The following TGM7 variants were observed in gnomAD, a reference collection of about 807,000 sequenced individuals.
TGM7 encodes the protein protein-glutamine gamma-glutamyltransferase Z.
TGM7 carries 74 observed loss-of-function variants against 79.5 expected under a neutral mutation model. The ratio of observed to expected loss-of-function variants is 0.93; its 90% CI spans 0.77 to 1.13. The LOEUF is 1.13. TGM7 is among the 50% of genes most tolerant of loss of function. The probability of loss-of-function intolerance (pLI) is 0.00; values close to 1 mark genes in which losing one functional copy is unlikely to be tolerated. For missense variants in TGM7, 912 were observed against 905.9 expected, an observed-to-expected ratio of 1.01 and a Z score of -0.09; for synonymous variants, 354 against 362.5, an observed-to-expected ratio of 0.98 and a Z score of 0.27.
chr15:43,291,378 T>C (rs117663498), intron 4 of TGM7, among the ~76,000 whole-genome samples: 1 of 152,242 alleles, frequency 6.6e-6, no homozygotes, highest in Non-Finnish European at 1.5e-5. Flanking sequence ...TTGATTTGCA[T>C]GTGTTGAAGC....
chr15:43,298,979 C>G (rs1012142195), intron 1 of TGM7, among the ~76,000 whole-genome samples: 9 of 150,346 alleles, frequency 6.0e-5, no homozygotes, highest in African/African-American at 2.2e-4. Flanking sequence ...ACAAAGAGGG[C>G]ACCAATAGCA....
intron 11 of TGM7, among the ~76,000 whole-genome samples, chr15:43,277,705 C>T (rs754068626): frequency 1.4e-4 from 22 of 152,258 alleles, no homozygotes; most frequent in Non-Finnish European, 2.4e-4. Flanking sequence ...AGAACAGTGC[C>T]GGCCAGATGA....
chr15:43,295,611 A>G (rs1189989388), intron 1 of TGM7, among the ~76,000 whole-genome samples: 1 of 152,228 alleles, frequency 6.6e-6, no homozygotes, highest in Admixed American at 6.5e-5. Flanking sequence ...ACTAGAAAAA[A>G]AACTCTTTGG....
chr15:43,293,729 G>T (rs1287158481), intron 1 of TGM7, 98 bp from the exon 2 acceptor site: 1 of 526,620 alleles, frequency 1.9e-6, no homozygotes, highest in Non-Finnish European at 2.5e-6. Context: ...TGCGGCGGGT[G>T]GTGGGGCGTG....
intron 1 of TGM7, among the ~76,000 whole-genome samples, chr15:43,295,439 A>C (rs536208849): frequency 6.6e-6 from 1 of 152,268 alleles, no homozygotes; most frequent in South Asian, 2.1e-4. Context: ...AAAATACAAA[A>C]ATTAGCCAGG....
chr15:43,285,567 C>G (rs1293862883), intron 6 of TGM7, among the ~76,000 whole-genome samples: 1 of 152,138 alleles, frequency 6.6e-6, no homozygotes, highest in Non-Finnish European at 1.5e-5. Flanking sequence ...TCCTCCCACC[C>G]TAGCTCTGAA....
At chr15:43,294,297 G>C (rs1189974720) in intron 1 of TGM7, among the ~76,000 whole-genome samples, 1 of 152,174 alleles carries the variant, frequency 6.6e-6, no homozygotes, top group Non-Finnish European at 1.5e-5. Context: ...GGCACTGCCT[G>C]CTTCCTGTGT....
Position 43,293,618 on chromosome 15 carries a change from C to G in TGM7, c.24G>C (p.Arg8=), listed in dbSNP as rs181989376. ...AGCTCTGCAGGTCGACAGACTCAAG[C>G]CGCAAGGTTGCCACTAGGGGAGAGG... MDQVATL[R]LESVDLQSSR... Residue 8 remains arginine, a synonymous_variant, in exon 2 of 13, where the codon CGG becomes CGC. Transcript: ENST00000452443. 1 of 1,606,110 alleles carries G rather than the reference C, an allele frequency of 6.2e-7. No homozygotes were observed. Among genetic ancestry groups the G allele is most frequent in the African/African-American group, 1.4e-5 (1 of 73,988 alleles).
chr15:43,300,718 G>A (rs1348794763), intron 1 of TGM7, among the ~76,000 whole-genome samples: 1 of 152,262 alleles, frequency 6.6e-6, no homozygotes, highest in Non-Finnish European at 1.5e-5. Flanking sequence ...GGAGAATGGC[G>A]TGAACCCTGG....
intron 11 of TGM7, among the ~76,000 whole-genome samples, chr15:43,277,202 G>A (rs1432996008): frequency 6.6e-6 from 1 of 152,144 alleles, no homozygotes; most frequent in Admixed American, 6.5e-5. Context: ...ACTCCAAGGA[G>A]CCACCACCAA....
At chr15:43,298,493 A>T (rs769778063) in intron 1 of TGM7, among the ~76,000 whole-genome samples, 2 of 152,224 alleles carry the variant, frequency 1.3e-5, no homozygotes, top group Non-Finnish European at 2.9e-5. Flanking sequence ...GCGGTGGCTC[A>T]CGCCTGTAAT....
At chr15:43,282,771 C>T in intron 7 of TGM7, 151 bp from the exon 8 acceptor site, 1 of 682,728 alleles carries the variant, frequency 1.5e-6, no homozygotes, top group South Asian at 1.8e-5. Context: ...ATAGTACAGG[C>T]TGGGCGCGGT....
intron 6 of TGM7, 66 bp downstream of exon 6, chr15:43,287,214 G>A (rs990556753): frequency 6.4e-5 from 98 of 1,533,406 alleles, no homozygotes; most frequent in Non-Finnish European, 8.2e-5. Flanking sequence ...GAACCTTTAT[G>A]AGCCACAGTT....
In TGM7 at chr15:43,302,153, C is replaced by G. The variant is rs147427165; in HGVS notation, c.10+88G>C. ...CAATCATCAATCCAGGCTCTCCTGT[C>G]GCTTCCCTACATCCTCTACCCTCTC... On this transcript the variant is annotated intron_variant, in intron 1 of 12. Transcript: ENST00000452443. 3.6e-4 allele frequency: 546 copies of G among 1,507,062 alleles called. 1 individual carries two copies. In the African/African-American group the frequency reaches 6.7e-3, roughly 18 times the overall value. The allele number at this position is 1,507,062 out of a possible 1,614,324, so 93.4% of individuals were successfully genotyped here.
intron 1 of TGM7, among the ~76,000 whole-genome samples, chr15:43,294,524 G>C (rs898826923): frequency 1.3e-5 from 2 of 152,252 alleles, no homozygotes; most frequent in Non-Finnish European, 2.9e-5. Context: ...GCCCATGGAA[G>C]GACCTTGGCG....
At chr15:43,299,887 T>A (rs940624626) in intron 1 of TGM7, among the ~76,000 whole-genome samples, 1 of 152,210 alleles carries the variant, frequency 6.6e-6, no homozygotes, top group African/African-American at 2.4e-5. Flanking sequence ...CCTCTTTTAG[T>A]GTGCAAGAAT....
At chr15:43,287,079 AGATGAT>A (rs2042938954) in intron 6 of TGM7, among the ~76,000 whole-genome samples, 195 bp downstream of exon 6, 2 of 152,230 alleles carry the variant, frequency 1.3e-5, no homozygotes, top group South Asian at 4.1e-4. Flanking sequence ...GGATACTGTG[AGATGAT>A]TGCCACAGGT....
intron 1 of TGM7, among the ~76,000 whole-genome samples, chr15:43,297,522 G>GGAAGGAAA (rs113772943): frequency 1.5e-4 from 20 of 129,478 alleles, no homozygotes; most frequent in African/African-American, 2.2e-4. Context: ...AAGGAAGGAA[G>GGAAGGAAA]GAAAGAAAGA....
At chr15:43,299,879 T>C (rs1324892337) in intron 1 of TGM7, among the ~76,000 whole-genome samples, 1 of 152,238 alleles carries the variant, frequency 6.6e-6, no homozygotes, top group Non-Finnish European at 1.5e-5. Flanking sequence ...GTTCTGTGCC[T>C]CTTTTAGTGT....
Sources: allele counts gnomAD v4.1 joint callset (sites outside exome capture counted in the v4.1 genomes callset), GRCh38; gene constraint gnomAD v4.1.1; transcripts MANE v1.5; gene names NCBI Gene and HGNC (gene_info 2026-07-23, HGNC 2026-07-21).